Variants in LNPEP observed in about 807,000 individuals in gnomAD.
The protein encoded by LNPEP is leucyl and cystinyl aminopeptidase, also known as leucyl-cystinyl aminopeptidase.
A neutral mutation model predicts 120.6 loss-of-function variants in LNPEP; 64 were observed. The observed-to-expected ratio is 0.53, with a 90% CI of 0.43 to 0.65. LNPEP has a LOEUF of 0.65. Among genes scored for constraint, LNPEP ranks in the 30% least tolerant of loss-of-function variants. LNPEP has a pLI of 0.00. For missense variants in LNPEP, 1,057 were observed against 1,200.0 expected (o/e 0.88, Z 1.76); for synonymous variants, 435 against 425.4 (o/e 1.02, Z -0.28).
At chr5:96,964,830 A>G (rs1480335063) in intron 1 of LNPEP, among the ~76,000 whole-genome samples, 1 of 152,182 alleles carries the variant, frequency 6.6e-6, no homozygotes, top group African/African-American at 2.4e-5. Flanking sequence ...AATTTCTGAA[A>G]GCTAATTTGA....
intron 8 of LNPEP, 46 bp downstream of exon 8, chr5:96,998,191 G>C (rs766190339): frequency 4.4e-6 from 6 of 1,368,842 alleles, no homozygotes; most frequent in South Asian, 2.6e-5. Flanking sequence ...TTAAAATTTC[G>C]TATAATTTCG....
At chr5:97,008,866 A>G (rs932065273) in intron 11 of LNPEP, among the ~76,000 whole-genome samples, 4 of 151,488 alleles carry the variant, frequency 2.6e-5, no homozygotes, top group Non-Finnish European at 2.9e-5. Flanking sequence ...GGGTTTCACC[A>G]TGGTCTCGAT....
intron 1 of LNPEP, among the ~76,000 whole-genome samples, chr5:96,948,767 T>C (rs1314870017): frequency 8.5e-5 from 13 of 152,224 alleles, no homozygotes. Flanking sequence ...CCCACACCTT[T>C]TACTGGAGAT....
At chr5:96,990,220 G>T (rs117143844) in intron 4 of LNPEP, among the ~76,000 whole-genome samples, 1 of 152,144 alleles carries the variant, frequency 6.6e-6, no homozygotes, top group Non-Finnish European at 1.5e-5. Flanking sequence ...GTGTGTGTGT[G>T]TATATTAAAA....
At chr5:96,947,787 A>G (rs1445312317) in intron 1 of LNPEP, among the ~76,000 whole-genome samples, 10 of 152,222 alleles carry the variant, frequency 6.6e-5, no homozygotes, top group Admixed American at 4.6e-4. Flanking sequence ...ATACAGAAAT[A>G]TTACATATAG....
chr5:96,964,856 GA>G (rs1789689880), intron 1 of LNPEP, among the ~76,000 whole-genome samples: 2 of 152,104 alleles, frequency 1.3e-5, no homozygotes, highest in Admixed American at 6.6e-5. Flanking sequence ...CAACCATTAA[GA>G]AAAATATATT....
intron 1 of LNPEP, among the ~76,000 whole-genome samples, chr5:96,938,709 C>A (rs1375096266): frequency 1.3e-5 from 2 of 152,158 alleles, no homozygotes; most frequent in African/African-American, 4.8e-5. Flanking sequence ...ACTTCTGCAA[C>A]CCATTTAAAA....
Position 97,036,607 on chromosome 5 carries a change from T to C in LNPEP, c.*8074T>C, listed in dbSNP as rs1204569656. The C allele has an allele frequency of 6.6e-6, 1 of 152,164 alleles. No homozygotes were observed. The allele number at this position is 152,164 out of a possible 1,614,324, so 9.4% of individuals were successfully genotyped here. ...CTCCCTCCCTCCCTCTCTGCTCTCC[T>C]CCCTTCCTTCAGGCCTCTTAGCATT... On this transcript the variant is annotated 3_prime_UTR_variant, in exon 18 of 18. Transcript: ENST00000231368.
At chr5:97,026,395 C>T (rs1010611912) in intron 15 of LNPEP, among the ~76,000 whole-genome samples, 5 of 152,024 alleles carry the variant, frequency 3.3e-5, no homozygotes, top group African/African-American at 1.2e-4. Flanking sequence ...TATTTATTGT[C>T]ATGTGACAAT....
At chr5:96,989,346 AT>A (rs1790328540) in intron 4 of LNPEP, among the ~76,000 whole-genome samples, 1 of 21,904 alleles carries the variant, frequency 4.6e-5, no homozygotes, top group Admixed American at 7.7e-4. Context: ...ATAATATATA[AT>A]ATATTATATA....
Position 96,979,254 on chromosome 5 carries a change from T to A in LNPEP, c.136T>A (p.Tyr46Asn). 1 of 1,613,908 alleles carries A rather than the reference T, an allele frequency of 6.2e-7. No homozygotes were observed. The highest frequency in any genetic ancestry group is 1.3e-5 in the African/African-American group (1 of 75,012). ...LHPLEPDEVEYEPRGSRLLVR... is the reference protein window; with the variant it reads ...LHPLEPDEVENEPRGSRLLVR... ...TCCTCTAGAGCCTGATGAGGTGGAA[T>A]ATGAGCCCCGGGGTTCCCGACTGCT... The change falls in exon 2 of 18, where the codon TAT (tyrosine) becomes AAT (asparagine). Residue 46 changes from tyrosine to asparagine, a missense_variant. By Grantham distance (143) the Tyr-to-Asn change is moderately radical. Transcript: ENST00000231368.
At chr5:96,936,323 G>C (rs1788868324) in intron 1 of LNPEP, 149 bp downstream of exon 1, 1 of 576,448 alleles carries the variant, frequency 1.7e-6, no homozygotes, top group African/African-American at 2.0e-5. Context: ...GAGGGGATCT[G>C]GGGGAGGCAG....
rs143338309 is a variant in LNPEP, at chr5:96,957,862, A to G, written c.20-21276A>G. On this transcript the variant is annotated intron_variant, in intron 1 of 17. Coordinates refer to ENST00000231368, the MANE Select transcript of LNPEP (RefSeq NM_005575.3). The stretch of plus-strand genomic sequence containing the variant: ...GCAATAGAAACTAATAGACTTTGCT[A>G]TATTGGTTTGAGTCTGTTCTGCACA... Among the ~76,000 whole-genome samples, 5 of 152,314 alleles carry G rather than the reference A, an allele frequency of 3.3e-5. No homozygotes were observed. In the East Asian group the frequency reaches 7.7e-4, roughly 23 times the overall value.
chr5:97,028,399 C>T lies in LNPEP; in HGVS notation c.2947-3C>T. ...TTGAAATTCTTCTGTGTGAAACTTACAGGTTCAGGCATTCTTTGAAAATCA... is the reference window on the plus strand; with the variant it reads ...TTGAAATTCTTCTGTGTGAAACTTATAGGTTCAGGCATTCTTTGAAAATCA... On this transcript the variant is annotated splice_polypyrimidine_tract_variant and splice_region_variant and intron_variant, in intron 17 of 17. Coordinates refer to ENST00000231368, the MANE Select transcript of LNPEP (RefSeq NM_005575.3). 1.2e-6 allele frequency: 2 copies of T among 1,613,304 alleles called. No individual in the cohort carries two copies. The highest frequency in any genetic ancestry group is 2.2e-5 in the South Asian group (2 of 91,068).
At chr5:97,022,257 C>T (rs752776323) in intron 13 of LNPEP, 43 bp from the exon 14 acceptor site, 21 of 1,204,576 alleles carry the variant, frequency 1.7e-5, no homozygotes, top group Admixed American at 4.2e-5. Context: ...TTCTGATTGT[C>T]CTAATTATTA....
At chr5:96,977,848 C>G (rs958114299) in intron 1 of LNPEP, among the ~76,000 whole-genome samples, 3 of 152,078 alleles carry the variant, frequency 2.0e-5, no homozygotes, top group Non-Finnish European at 4.4e-5. Flanking sequence ...TAATTCAGGG[C>G]TCTCATCTTT....
At chr5:96,942,339 G>C (rs368026852) in intron 1 of LNPEP, 40 of 152,208 alleles carry the variant, frequency 2.6e-4, no homozygotes, top group African/African-American at 9.2e-4. Context: ...CATGAAGCCA[G>C]AGGTGGCAAT....
At chr5:96,950,173 G>GA (rs1789289874) in intron 1 of LNPEP, among the ~76,000 whole-genome samples, 2 of 152,194 alleles carry the variant, frequency 1.3e-5, no homozygotes, top group South Asian at 4.1e-4. Context: ...GATGTGGAGG[G>GA]AAGGAGTCTC....
At chr5:97,008,662 C>CTTTTTTTTTTT (rs757725207) in intron 11 of LNPEP, among the ~76,000 whole-genome samples, 3 of 85,446 alleles carry the variant, frequency 3.5e-5, no homozygotes, top group East Asian at 3.5e-4. Flanking sequence ...CCTCTTTACT[C>CTTTTTTTTTTT]TTTTTTTTTT....
Sources: gnomAD v4.1 joint callset for allele counts (sites outside exome capture counted in the v4.1 genomes callset) on GRCh38, gnomAD v4.1.1 for gene constraint, MANE v1.5 for transcripts, NCBI Gene and HGNC (gene_info 2026-07-23, HGNC 2026-07-21) for gene names.